Variants in COX6C observed in about 807,000 individuals in gnomAD.
COX6C encodes the protein cytochrome c oxidase polypeptide VIc.
COX6C carries 3 observed loss-of-function variants against 6.9 expected under a neutral mutation model. The observed-to-expected ratio is 0.43, with a 90% CI of 0.20 to 1.12. The LOEUF (loss-of-function observed/expected upper bound fraction) is 1.12. Among genes scored for constraint, COX6C ranks in the 50% most tolerant of loss-of-function variants. The pLI, the probability that COX6C is intolerant of heterozygous loss-of-function variation, is 0.27. For synonymous variants in COX6C, 32 were observed against 32.0 expected (o/e 1.00, Z 0.00); for missense variants, 101 against 97.3 (o/e 1.04, Z -0.16).
chr8:99,890,445 T>C (rs187955559), intron 2 of COX6C, among the ~76,000 whole-genome samples: 1 of 152,362 alleles, frequency 6.6e-6, no homozygotes, highest in Admixed American at 6.5e-5. Context: ...GAGATTTAGC[T>C]ACATGCCTTT....
intron 2 of COX6C, among the ~76,000 whole-genome samples, chr8:99,890,924 A>T (rs1276633889): frequency 6.6e-6 from 1 of 152,234 alleles, no homozygotes; most frequent in Non-Finnish European, 1.5e-5. Flanking sequence ...AAAATAATAA[A>T]AAATGCTACA....
At position 99,887,601 on chromosome 8, in the gene COX6C, T is replaced by TTG; in HGVS notation, c.130_131dup (p.Gln44HisfsTer17). 2.5e-6 allele frequency: 4 copies of TTG among 1,600,778 alleles called. No individual in the cohort carries two copies. Among genetic ancestry groups the TTG allele is most frequent in the Non-Finnish European group, 3.4e-6 (4 of 1,176,656 alleles). Reference sequence around the variant, plus strand: ...AGAAATCTGCGTATGCCTTCTTTCTTTGATCAGCCACACGAAACTAAAAAG... The same window carrying TTG: ...AGAAATCTGCGTATGCCTTCTTTCTTTGTGATCAGCCACACGAAACTAAAAAG... On this transcript the variant is annotated frameshift_variant, in exon 3 of 4. Coordinates refer to ENST00000520468, the MANE Select transcript of COX6C (RefSeq NM_004374.4). LOFTEE classifies it high-confidence loss of function.
chr8:99,886,677 AGAAAG>A (rs74658233), intron 3 of COX6C, among the ~76,000 whole-genome samples: 32,240 of 151,988 alleles, frequency 0.21, 3,777 homozygotes, highest in African/African-American at 0.32. Flanking sequence ...AGCTTTAAAA[AGAAAG>A]GAAATTCTGA....
At position 99,887,476 on chromosome 8, in the gene COX6C, AATAACC is replaced by A; in HGVS notation, c.*15+8_*15+13del. ...AGAAATTTTTTTTTAAGTAACTTCAAATAACCATATTACCTTTATATTCCAAGATTA... is the reference window on the plus strand; with the variant it reads ...AGAAATTTTTTTTTAAGTAACTTCAAATATTACCTTTATATTCCAAGATTA... On this transcript the variant is annotated splice_region_variant and intron_variant, in intron 3 of 3. Coordinates refer to ENST00000520468, the MANE Select transcript of COX6C (RefSeq NM_004374.4). 1 of 1,467,068 alleles carries A rather than the reference AATAACC, an allele frequency of 6.8e-7. No homozygotes were observed. The highest frequency in any genetic ancestry group is 9.2e-7 in the Non-Finnish European group (1 of 1,088,588). 90.9% of individuals were successfully genotyped at this position (1,467,068 alleles called of 1,614,324 possible). A position where few individuals can be genotyped will look rare whatever the true frequency, so the allele number is the denominator to read the frequency against.
chr8:99,878,286 G>C (rs959294507), intron 3 of COX6C, 21 bp from the exon 4 acceptor site: 4 of 152,120 alleles, frequency 2.6e-5, no homozygotes, highest in African/African-American at 9.7e-5. Context: ...AAACACAAAG[G>C]CTAAGTTAGA....
intron 3 of COX6C, among the ~76,000 whole-genome samples, chr8:99,886,811 G>T (rs747807472): frequency 3.9e-5 from 6 of 152,184 alleles, no homozygotes; most frequent in Non-Finnish European, 8.8e-5. Flanking sequence ...CAAATTCTTA[G>T]AAAGTAACAC....
chr8:99,884,549 GAAGT>G (rs1195808540), intron 3 of COX6C, among the ~76,000 whole-genome samples: 5 of 152,104 alleles, frequency 3.3e-5, no homozygotes, highest in Admixed American at 3.3e-4. Context: ...TACACATAAG[GAAGT>G]AAGAAGGAAA....
intron 3 of COX6C, among the ~76,000 whole-genome samples, chr8:99,881,518 G>A (rs968765883): frequency 6.6e-5 from 10 of 152,180 alleles, no homozygotes; most frequent in Non-Finnish European, 1.0e-4. Flanking sequence ...AAAAGAGGGT[G>A]GTGCTGTAAA....
chr8:99,883,473 T>TATA (rs1563527116), intron 3 of COX6C, among the ~76,000 whole-genome samples: 27 of 139,404 alleles, frequency 1.9e-4, no homozygotes, highest in African/African-American at 7.0e-4. Flanking sequence ...ATATATATAT[T>TATA]TTTTTTTTGG....
chr8:99,889,772 G>C (rs1818005708), intron 2 of COX6C, among the ~76,000 whole-genome samples: 1 of 152,022 alleles, frequency 6.6e-6, no homozygotes, highest in South Asian at 2.1e-4. Context: ...TAGGGCCACA[G>C]GCACATCATG....
intron 1 of COX6C, 63 bp downstream of exon 1, chr8:99,893,576 G>C (rs1472086208): frequency 6.6e-6 from 1 of 152,396 alleles, no homozygotes; most frequent in East Asian, 1.9e-4. Flanking sequence ...GAGAGAAAGC[G>C]GGAGGGTGCC....
chr8:99,888,597 C>T (rs1480823064), intron 2 of COX6C, among the ~76,000 whole-genome samples: 1 of 152,150 alleles, frequency 6.6e-6, no homozygotes, highest in Admixed American at 6.5e-5. Context: ...TAAAAAGAGG[C>T]AGAAGCACAA....
At chr8:99,892,555 G>GA (rs1204655748) in intron 1 of COX6C, among the ~76,000 whole-genome samples, 1 of 152,014 alleles carries the variant, frequency 6.6e-6, no homozygotes, top group Admixed American at 6.6e-5. Context: ...GAAAAACTCA[G>GA]AAAAGATATC....
intron 1 of COX6C, among the ~76,000 whole-genome samples, chr8:99,892,678 T>TCC: frequency 6.6e-6 from 1 of 151,328 alleles, no homozygotes; most frequent in East Asian, 2.0e-4. Context: ...TGTTTCATCT[T>TCC]CCCCCCGCCC....
chr8:99,886,035 A>T (rs1267664036), intron 3 of COX6C: 1 of 152,256 alleles, frequency 6.6e-6, no homozygotes, highest in Non-Finnish European at 1.5e-5. Flanking sequence ...TAATCAGGGA[A>T]ATGCAAATCA....
intron 3 of COX6C, among the ~76,000 whole-genome samples, chr8:99,885,601 G>A (rs931715297): frequency 7.2e-5 from 11 of 152,172 alleles, no homozygotes; most frequent in African/African-American, 1.2e-4. Context: ...GATACCACAT[G>A]TAAAAGAATA....
chr8:99,892,731 C>A (rs191329838), intron 1 of COX6C, among the ~76,000 whole-genome samples: 3 of 151,548 alleles, frequency 2.0e-5, no homozygotes, highest in African/African-American at 7.3e-5. Flanking sequence ...CGACAAACTG[C>A]GGCACACTAG....
At chr8:99,890,635 G>C (rs1047040890) in intron 2 of COX6C, among the ~76,000 whole-genome samples, 8 of 152,166 alleles carry the variant, frequency 5.3e-5, no homozygotes, top group African/African-American at 1.9e-4. Flanking sequence ...GCCCAGTAAA[G>C]AACATAAACA....
intron 3 of COX6C, among the ~76,000 whole-genome samples, chr8:99,879,166 C>A (rs1817813429): frequency 6.6e-6 from 1 of 152,152 alleles, no homozygotes; most frequent in Non-Finnish European, 1.5e-5. Context: ...CATCAAGGTA[C>A]TTCATACATG....
Sources: allele counts gnomAD v4.1 joint callset (sites outside exome capture counted in the v4.1 genomes callset), GRCh38; gene constraint gnomAD v4.1.1; transcripts MANE v1.5; gene names NCBI Gene and HGNC (gene_info 2026-07-23, HGNC 2026-07-21).